Variants in GPHN observed in about 807,000 individuals in gnomAD.
The protein encoded by GPHN is gephyrin.
Under a neutral mutation model 95.5 loss-of-function variants are expected in GPHN, and 17 were observed. The observed-to-expected ratio is 0.18, with a 90% CI of 0.12 to 0.27. GPHN has a LOEUF of 0.27. Among genes scored for constraint, GPHN ranks in the 10% least tolerant of loss-of-function variants. The pLI, the probability that GPHN is intolerant of heterozygous loss-of-function variation, is 1.00. For missense variants in GPHN, 660 were observed against 978.1 expected (o/e 0.67, Z 4.34); for synonymous variants, 320 against 322.5 (o/e 0.99, Z 0.08).
intron 10 of GPHN, among the ~76,000 whole-genome samples, chr14:67,035,308 A>G (rs2153632821): frequency 6.6e-6 from 1 of 152,120 alleles, no homozygotes; most frequent in East Asian, 1.9e-4. Flanking sequence ...ACCTCAAATC[A>G]GCAACCTAAC....
At chr14:66,929,054 CTTTTTTT>C (rs147521541) in intron 8 of GPHN, among the ~76,000 whole-genome samples, 3 of 122,788 alleles carry the variant, frequency 2.4e-5, no homozygotes, top group African/African-American at 5.8e-5. Flanking sequence ...TCCAATGTTT[CTTTTTTT>C]TTTTTTTTTT....
chr14:66,837,095 T>C (rs1490006522), intron 4 of GPHN, among the ~76,000 whole-genome samples: 2 of 151,166 alleles, frequency 1.3e-5, no homozygotes, highest in African/African-American at 4.9e-5. Context: ...CATTACTGGG[T>C]ATATACCCAA....
the GPHN span, among the ~76,000 whole-genome samples, chr14:67,232,640 G>A: frequency 6.6e-6 from 1 of 152,288 alleles, no homozygotes; most frequent in East Asian, 1.9e-4. Flanking sequence ...TGACTAAACT[G>A]CTGAACACCC....
intron 3 of GPHN, among the ~76,000 whole-genome samples, chr14:66,823,845 A>G (rs183660026): frequency 2.0e-5 from 3 of 152,320 alleles, no homozygotes; most frequent in East Asian, 1.9e-4. Flanking sequence ...CTGAATTATA[A>G]AAACGTAATG....
the GPHN span, chr14:67,395,357 C>T: frequency 6.4e-7 from 1 of 1,571,600 alleles, no homozygotes; most frequent in Non-Finnish European, 8.7e-7. Context: ...CCACCCAACA[C>T]AGGCAGGAGA....
the GPHN span, among the ~76,000 whole-genome samples, chr14:67,347,047 C>T: frequency 2.0e-5 from 3 of 152,142 alleles, no homozygotes; most frequent in African/African-American, 2.4e-5. Flanking sequence ...AGTGCAGTGG[C>T]GTGATCAGAA....
the GPHN span, chr14:67,387,355 T>A: frequency 3.1e-6 from 5 of 1,611,316 alleles, no homozygotes; most frequent in Non-Finnish European, 4.2e-6. Context: ...ATAGCTTCAA[T>A]CCACTCGGCT....
chr14:67,498,288 T>C, the GPHN span, among the ~76,000 whole-genome samples: 1 of 152,106 alleles, frequency 6.6e-6, no homozygotes, highest in Non-Finnish European at 1.5e-5. Flanking sequence ...CGATGGGGGG[T>C]GGGCAATCAC....
chr14:67,481,452 A>G, the GPHN span, among the ~76,000 whole-genome samples: 11,190 of 152,252 alleles, frequency 0.073, 550 homozygotes, highest in Middle Eastern at 0.14. Flanking sequence ...AACTAGGAGA[A>G]CATAGCTGGT....
chr14:67,239,066 A>G, the GPHN span, among the ~76,000 whole-genome samples: 1 of 152,184 alleles, frequency 6.6e-6, no homozygotes, highest in Non-Finnish European at 1.5e-5. Flanking sequence ...TCACACTCAT[A>G]CTAATAATTA....
chr14:67,549,344 C>T, the GPHN span, among the ~76,000 whole-genome samples: 2 of 151,610 alleles, frequency 1.3e-5, no homozygotes, highest in South Asian at 2.1e-4. Context: ...GATCTCAGCT[C>T]ACTGCAACCT....
chr14:67,142,284 C>T (rs2080514574), intron 17 of GPHN, among the ~76,000 whole-genome samples: 1 of 152,182 alleles, frequency 6.6e-6, no homozygotes, highest in African/African-American at 2.4e-5. Context: ...TCGCATTGCC[C>T]AGTAGATTTG....
intron 9 of GPHN, among the ~76,000 whole-genome samples, chr14:66,968,684 T>C (rs1389505255): frequency 6.6e-6 from 1 of 152,120 alleles, no homozygotes; most frequent in African/African-American, 2.4e-5. Context: ...TTACTGAGTT[T>C]TGTGTCTATT....
At chr14:67,586,518 C>T in the GPHN span, 3 of 787,508 alleles carry the variant, frequency 3.8e-6, no homozygotes, top group East Asian at 1.9e-4. Flanking sequence ...GGGACAGTCC[C>T]ACAGTGCTCC....
chr14:67,727,259 G>A, the GPHN span: 8 of 1,241,540 alleles, frequency 6.4e-6, no homozygotes, highest in Non-Finnish European at 9.2e-6. Flanking sequence ...AGCAACTTGG[G>A]AAGTCAGGCT....
intron 17 of GPHN, among the ~76,000 whole-genome samples, chr14:67,131,342 A>T (rs2079694700): frequency 6.6e-6 from 1 of 152,150 alleles, no homozygotes; most frequent in South Asian, 2.1e-4. Flanking sequence ...AAGCTCCATG[A>T]ATACTAGGAC....
intron 2 of GPHN, among the ~76,000 whole-genome samples, chr14:66,727,154 A>G (rs1208160268): frequency 1.3e-5 from 2 of 151,748 alleles, no homozygotes; most frequent in Non-Finnish European, 2.9e-5. Flanking sequence ...GCACAAGCTC[A>G]CTCTTGGCCT....
At chr14:67,459,673 C>T in the GPHN span, among the ~76,000 whole-genome samples, 14 of 152,352 alleles carry the variant, frequency 9.2e-5, no homozygotes, top group Middle Eastern at 3.4e-3. Context: ...AGAGACATCA[C>T]TTGGGCTTCT....
chr14:66,707,421 C>T (rs917631282), intron 2 of GPHN, among the ~76,000 whole-genome samples: 8 of 152,142 alleles, frequency 5.3e-5, no homozygotes, highest in African/African-American at 1.7e-4. Context: ...CCCAAATGCC[C>T]GTCAGTGATA....
Sources: gnomAD v4.1 joint callset for allele counts (sites outside exome capture counted in the v4.1 genomes callset) on GRCh38, gnomAD v4.1.1 for gene constraint, MANE v1.5 for transcripts, NCBI Gene and HGNC (gene_info 2026-07-23, HGNC 2026-07-21) for gene names.